Variants in MAML2 observed in about 807,000 individuals in gnomAD.
MAML2 encodes the protein mastermind like transcriptional coactivator 2, also known as mastermind-like protein 2.
Under a neutral mutation model 96.1 loss-of-function variants are expected in MAML2, and 22 were observed. The observed-to-expected ratio is 0.23, with a 90% CI of 0.16 to 0.33. The LOEUF (loss-of-function observed/expected upper bound fraction) is 0.33, where lower values mean the gene tolerates loss of function less well. MAML2 is among the 10% of genes least tolerant of loss of function. The pLI is 1.00. For missense variants in MAML2, 1,367 were observed against 1,392.4 expected, an observed-to-expected ratio of 0.98 and a Z score of 0.29; for synonymous variants, 561 against 521.3, an observed-to-expected ratio of 1.08 and a Z score of -1.04.
At chr11:95,998,141 A>T (rs7480468) in intron 2 of MAML2, among the ~76,000 whole-genome samples, 6,260 of 143,598 alleles carry the variant, frequency 0.044, 286 homozygotes, top group African/African-American at 0.11. Context: ...TCTGTCTGTC[A>T]GTCTGTCTGT....
At chr11:96,067,332 G>A (rs1219012485) in intron 2 of MAML2, among the ~76,000 whole-genome samples, 2 of 152,224 alleles carry the variant, frequency 1.3e-5, no homozygotes, top group African/African-American at 2.4e-5. Flanking sequence ...GACACGGACT[G>A]CCTTTCAAAA....
intron 1 of MAML2, among the ~76,000 whole-genome samples, chr11:96,339,662 C>T (rs867827894): frequency 3.3e-5 from 5 of 152,164 alleles, no homozygotes; most frequent in African/African-American, 7.2e-5. Context: ...CACACAAAGC[C>T]GCATTATTGG....
intron 1 of MAML2, among the ~76,000 whole-genome samples, chr11:96,220,616 T>C (rs1226063960): frequency 6.6e-6 from 1 of 152,238 alleles, no homozygotes; most frequent in East Asian, 1.9e-4. Context: ...AGTGTTCTTA[T>C]ACATGCAGAA....
intron 2 of MAML2, among the ~76,000 whole-genome samples, chr11:96,026,651 A>G (rs182145351): frequency 1.3e-3 from 194 of 152,218 alleles, no homozygotes; most frequent in Non-Finnish European, 2.4e-3. Flanking sequence ...TCCTTTTGGC[A>G]TCTGTTTGCT....
chr11:96,116,434 G>C (rs977976211), intron 1 of MAML2, among the ~76,000 whole-genome samples: 1 of 152,148 alleles, frequency 6.6e-6, no homozygotes, highest in African/African-American at 2.4e-5. Context: ...TTGGCTCCCT[G>C]TATTGCAGTG....
At chr11:96,160,965 T>A (rs1224203994) in intron 1 of MAML2, among the ~76,000 whole-genome samples, 1 of 152,232 alleles carries the variant, frequency 6.6e-6, no homozygotes, top group Admixed American at 6.5e-5. Context: ...TATTAATCAC[T>A]CTGCAGGGTT....
intron 1 of MAML2, among the ~76,000 whole-genome samples, chr11:96,164,050 T>A (rs2135892457): frequency 6.6e-6 from 1 of 151,874 alleles, no homozygotes; most frequent in East Asian, 1.9e-4. Context: ...TTTTTTGGTA[T>A]TTTTAGTAAA....
At chr11:96,181,306 A>T (rs1939482) in intron 1 of MAML2, among the ~76,000 whole-genome samples, 84,743 of 151,652 alleles carry the variant, frequency 0.56, 24,251 homozygotes, top group East Asian at 0.75. Flanking sequence ...AATACTGGTG[A>T]CCCTATAAGG....
chr11:96,219,522 T>C (rs2135945295), intron 1 of MAML2, among the ~76,000 whole-genome samples: 1 of 152,334 alleles, frequency 6.6e-6, no homozygotes, highest in African/African-American at 2.4e-5. Context: ...TGCACCGTGA[T>C]TTACAGCATG....
chr11:96,093,096 T>G lies in MAML2; in HGVS notation c.935A>C (p.Glu312Ala). ...MDPELQELFN[E>A]LTNISVPPMS... ...GGGAGGCACAGATATGTTGGTCAGT[T>G]CATTGAACAGTTCCTGCAGCTCAGG... The change falls in exon 2 of 5, where the codon GAA (glutamate) becomes GCA (alanine). Residue 312 changes from glutamate (E) to alanine (A), a missense_variant. Glu to Ala is a moderately radical substitution (Grantham distance 107). Transcript: ENST00000524717. The G allele has an allele frequency of 6.2e-7, 1 of 1,614,014 alleles. No individual in the cohort carries two copies. Among genetic ancestry groups the G allele is most frequent in the Non-Finnish European group, 8.5e-7 (1 of 1,179,888 alleles).
intron 1 of MAML2, among the ~76,000 whole-genome samples, chr11:96,122,288 G>A (rs80283442): frequency 0.013 from 2,002 of 152,018 alleles, 40 homozygotes; most frequent in African/African-American, 0.046. Flanking sequence ...TACTAAAGGG[G>A]TGGAAAACCT....
At chr11:96,247,550 A>T (rs1862527927) in intron 1 of MAML2, among the ~76,000 whole-genome samples, 1 of 152,148 alleles carries the variant, frequency 6.6e-6, no homozygotes, top group Non-Finnish European at 1.5e-5. Flanking sequence ...AACTTTGTCC[A>T]CTTTGCAGAC....
At chr11:96,171,562 T>G (rs1338858143) in intron 1 of MAML2, among the ~76,000 whole-genome samples, 1 of 152,222 alleles carries the variant, frequency 6.6e-6, no homozygotes, top group Non-Finnish European at 1.5e-5. Context: ...TAAATACATG[T>G]CAGATAAAGG....
At chr11:96,207,410 C>T (rs1386382535) in intron 1 of MAML2, among the ~76,000 whole-genome samples, 1 of 152,236 alleles carries the variant, frequency 6.6e-6, no homozygotes, top group Non-Finnish European at 1.5e-5. Flanking sequence ...CTTCATCCTT[C>T]AATGAAGTTG....
chr11:96,326,714 G>A lies in MAML2; in HGVS notation c.513+14669C>T, dbSNP rs144438575. On this transcript the variant is annotated intron_variant, in intron 1 of 4. Transcript: ENST00000524717. ...ACTCGGGAGGCTGAGGCAGTGAGCC[G>A]AGATCGCACAATTGCACTCCAGCCG... 7.5e-3 allele frequency among the ~76,000 whole-genome samples: 1,133 copies of A among 151,736 alleles called. 13 individuals are homozygous for A. The highest frequency in any genetic ancestry group is 0.026 in the African/African-American group (1,064 of 41,306).
intron 1 of MAML2, among the ~76,000 whole-genome samples, chr11:96,256,301 G>A (rs1051089014): frequency 1.3e-5 from 2 of 152,090 alleles, no homozygotes; most frequent in South Asian, 2.1e-4. Flanking sequence ...TCCAGAGCCC[G>A]TGAGCTGAAT....
At chr11:96,118,057 A>T (rs1860274288) in intron 1 of MAML2, among the ~76,000 whole-genome samples, 1 of 152,212 alleles carries the variant, frequency 6.6e-6, no homozygotes, top group South Asian at 2.1e-4. Flanking sequence ...GTCATGGCAG[A>T]TGCAAAGTTG....
At chr11:96,076,430 T>C (rs866704415) in intron 2 of MAML2, among the ~76,000 whole-genome samples, 6 of 136,444 alleles carry the variant, frequency 4.4e-5, no homozygotes, top group Admixed American at 2.8e-4. Context: ...TCTCTCTCTC[T>C]CTCACACACA....
rs1857674737 is a variant in MAML2, at chr11:95,978,030, G to T, written c.*918C>A. The T allele has an allele frequency of 4.6e-6, 1 of 219,182 alleles. No homozygotes were observed. Among genetic ancestry groups the T allele is most frequent in the East Asian group, 6.7e-5 (1 of 14,892 alleles). 13.6% of individuals were successfully genotyped at this position (219,182 alleles called of 1,614,324 possible). ...CATCAAAATGAGTAGGGAGGACGAGGTTCAATTTCACTCAGCTTGGGAACA... is the reference window on the plus strand; with the variant it reads ...CATCAAAATGAGTAGGGAGGACGAGTTTCAATTTCACTCAGCTTGGGAACA... On this transcript the variant is annotated 3_prime_UTR_variant, in exon 5 of 5. Transcript: ENST00000524717.
Sources: allele counts gnomAD v4.1 joint callset (sites outside exome capture counted in the v4.1 genomes callset), GRCh38; gene constraint gnomAD v4.1.1; transcripts MANE v1.5; gene names NCBI Gene and HGNC (gene_info 2026-07-23, HGNC 2026-07-21).